Variants in IL1RN observed in about 807,000 individuals in gnomAD.
The protein encoded by IL1RN is interleukin 1 receptor antagonist.
A neutral mutation model predicts 13.7 loss-of-function variants in IL1RN; 10 were observed. That is an observed-to-expected ratio of 0.73 (90% CI 0.45 to 1.24). IL1RN has a LOEUF of 1.24. IL1RN is among the 50% of genes most tolerant of loss of function. The pLI is 0.00. For missense variants in IL1RN, 213 were observed against 222.1 expected (o/e 0.96, Z 0.26); for synonymous variants, 102 against 82.7 (o/e 1.23, Z -1.27).
At chr2:113,120,038 C>T (rs959331119) in intron 1 of IL1RN, 2 of 1,591,768 alleles carry the variant, frequency 1.3e-6, no homozygotes, top group South Asian at 1.1e-5. Flanking sequence ...TCTCTCTACA[C>T]AATGGGGTCC....
At chr2:113,100,577 G>T in the IL1RN span, among the ~76,000 whole-genome samples, 4 of 152,136 alleles carry the variant, frequency 2.6e-5, no homozygotes, top group African/African-American at 9.7e-5. Context: ...TTCCTACAGG[G>T]CCCCACTTAG....
In IL1RN at chr2:113,129,646, C is replaced by T. The variant is rs746404239; in HGVS notation, c.187C>T (p.Pro63Ser). ...NQLVAGYLQG[P>S]NVNLEEKIDV... ...ACTAGTTGCTGGATACTTGCAAGGA[C>T]CAAATGTCAATTTAGAAGGTGAGTG... The change falls in exon 2 of 4, where the codon CCA (proline) becomes TCA (serine). Residue 63 changes from proline to serine, a missense_variant. Transcript: ENST00000409930. The T allele has an allele frequency of 6.2e-7, 1 of 1,610,894 alleles. No individual in the cohort carries two copies. Among genetic ancestry groups the T allele is most frequent in the African/African-American group, 1.3e-5 (1 of 75,020 alleles).
chr2:113,114,660 TC>T (rs1404150449), upstream of IL1RN, among the ~76,000 whole-genome samples: 1 of 151,928 alleles, frequency 6.6e-6, no homozygotes, highest in East Asian at 1.9e-4. Context: ...TGTGTGTGTG[TC>T]TGTGTTTGTG....
chr2:113,117,787 G>A, upstream of IL1RN: 1 of 603,868 alleles, frequency 1.7e-6, no homozygotes, highest in African/African-American at 1.8e-5. Flanking sequence ...TTGGCATCAA[G>A]TCAGCCATCA....
chr2:113,121,092 C>G (rs1686766110), intron 2 of IL1RN, among the ~76,000 whole-genome samples: 1 of 146,416 alleles, frequency 6.8e-6, no homozygotes, highest in Admixed American at 7.0e-5. Flanking sequence ...TCTTCTTCTT[C>G]TTCCTCTTCC....
chr2:113,117,412 C>T (rs1165808281), upstream of IL1RN: 1 of 153,824 alleles, frequency 6.5e-6, no homozygotes, highest in Admixed American at 6.4e-5. Flanking sequence ...GCCACTTTCC[C>T]TAAAATAGCC....
chr2:113,131,145 A>C lies in IL1RN; in HGVS notation c.306A>C (p.Arg102Ser), dbSNP rs1405024601. The C allele has an allele frequency of 6.2e-7, 1 of 1,605,246 alleles. No homozygotes were observed. The highest frequency in any genetic ancestry group is 8.5e-7 in the Non-Finnish European group (1 of 1,172,072). The change falls in exon 3 of 4, where the codon AGA (arginine) becomes AGC (serine). Residue 102 changes from arginine to serine, a missense_variant. By Grantham distance (110) the Arg-to-Ser change is moderately radical (BLOSUM62 -1). Coordinates refer to ENST00000409930, the MANE Select transcript of IL1RN (RefSeq NM_173842.3). ...LSCVKSGDET[R>S]LQLEAVNITD... Reference sequence around the variant, plus strand: ...GTGTCAAGTCTGGTGATGAGACCAGACTCCAGCTGGAGGTAAAAACATGCT... The same window carrying C: ...GTGTCAAGTCTGGTGATGAGACCAGCCTCCAGCTGGAGGTAAAAACATGCT...
upstream of IL1RN, among the ~76,000 whole-genome samples, chr2:113,108,080 A>G (rs1686414097): frequency 1.3e-5 from 2 of 152,170 alleles, no homozygotes; most frequent in African/African-American, 4.8e-5. Flanking sequence ...TTCTGGTCAG[A>G]AGTCTTACTG....
intron 1 of IL1RN, among the ~76,000 whole-genome samples, chr2:113,119,029 G>A (rs1240815935): frequency 2.6e-5 from 4 of 151,942 alleles, no homozygotes; most frequent in East Asian, 3.9e-4. Flanking sequence ...AGAGAGAGAC[G>A]CTCTCTCTAA....
chr2:113,128,424 T>C (rs1687041930), intron 1 of IL1RN, among the ~76,000 whole-genome samples: 1 of 152,052 alleles, frequency 6.6e-6, no homozygotes, highest in African/African-American at 2.4e-5. Flanking sequence ...TGGGGTGACT[T>C]CTCCCCCACT....
upstream of IL1RN, among the ~76,000 whole-genome samples, chr2:113,124,527 A>G (rs1415238821): frequency 2.6e-5 from 4 of 152,082 alleles, no homozygotes; most frequent in African/African-American, 9.7e-5. Context: ...CTGGGAGTGC[A>G]GGGCAGGAGC....
chr2:113,121,138 ATCGTCTT>A (rs1327369787), intron 2 of IL1RN, among the ~76,000 whole-genome samples: 1 of 107,240 alleles, frequency 9.3e-6, no homozygotes, highest in Non-Finnish European at 2.3e-5. Context: ...ATTCTTCTTC[ATCGTCTT>A]CGTCTTCGTC....
At chr2:113,130,964 A>T in intron 2 of IL1RN, 81 bp from the exon 3 acceptor site, 1 of 883,160 alleles carries the variant, frequency 1.1e-6, no homozygotes, top group South Asian at 1.3e-5. Flanking sequence ...GGACCAGGGG[A>T]GATAGAAAAA....
At chr2:113,116,432 C>T (rs4251956), upstream of IL1RN, among the ~76,000 whole-genome samples, 1,617 of 151,794 alleles carry the variant, frequency 0.011, 19 homozygotes, top group Middle Eastern at 0.041. Flanking sequence ...TGAGCCAAGG[C>T]GGAAGAGAAC....
upstream of IL1RN, among the ~76,000 whole-genome samples, chr2:113,109,062 C>A (rs1212248658): frequency 6.6e-6 from 1 of 151,648 alleles, no homozygotes; most frequent in Non-Finnish European, 1.5e-5. Flanking sequence ...CAATAGCAAC[C>A]ACCAACACCC....
chr2:113,111,896 G>A (rs534851377), intron 1 of IL1RN, among the ~76,000 whole-genome samples: 15 of 152,376 alleles, frequency 9.8e-5, no homozygotes, highest in Non-Finnish European at 1.8e-4. Context: ...ACAACAGAAC[G>A]AGACAAACAG....
chr2:113,132,864 A>G lies in IL1RN; in HGVS notation c.527A>G (p.Asp176Gly). Residue 176 changes from aspartate to glycine, a missense_variant, in exon 4 of 4, where the codon GAC becomes GGC. Asp to Gly is a moderately conservative substitution (Grantham distance 94, BLOSUM62 -1). Coordinates refer to ENST00000409930, the MANE Select transcript of IL1RN (RefSeq NM_173842.3). ...VMVTKFYFQEDE is the reference protein window; with the variant it reads ...VMVTKFYFQEGE Reference sequence around the variant, plus strand: ...GTCACCAAATTCTACTTCCAGGAGGACGAGTAGTACTGCCCAGGCCTGCCT... The same window carrying G: ...GTCACCAAATTCTACTTCCAGGAGGGCGAGTAGTACTGCCCAGGCCTGCCT... The G allele has an allele frequency of 6.2e-7, 1 of 1,613,992 alleles. No individual in the cohort carries two copies. The highest frequency in any genetic ancestry group is 8.5e-7 in the Non-Finnish European group (1 of 1,179,850).
chr2:113,111,815 C>T (rs1308550404), intron 1 of IL1RN, among the ~76,000 whole-genome samples: 1 of 152,290 alleles, frequency 6.6e-6, no homozygotes, highest in Non-Finnish European at 1.5e-5. Flanking sequence ...CAAAAACCAT[C>T]CTCTATCAGT....
At chr2:113,099,719 C>CCTTCTTTTTTTTTTTTTTTTT in the IL1RN span, among the ~76,000 whole-genome samples, 24 of 80,524 alleles carry the variant, frequency 3.0e-4, 4 homozygotes, top group South Asian at 1.4e-3. Flanking sequence ...GCATCCTCTT[C>CCTTCTTTTTTTTTTTTTTTTT]TTTCTTTTCT....
Sources: allele counts gnomAD v4.1 joint callset (sites outside exome capture counted in the v4.1 genomes callset), GRCh38; gene constraint gnomAD v4.1.1; transcripts MANE v1.5; gene names NCBI Gene and HGNC (gene_info 2026-07-23, HGNC 2026-07-21).